Variants in MAN1C1 observed in about 807,000 individuals in gnomAD.
The protein encoded by MAN1C1 is mannosidase alpha class 1C member 1.
A neutral mutation model predicts 71.5 loss-of-function variants in MAN1C1; 49 were observed. That is an observed-to-expected ratio of 0.69 (90% CI 0.54 to 0.87). MAN1C1 has a LOEUF of 0.87. MAN1C1 is among the 40% of genes least tolerant of loss of function. MAN1C1 has a pLI of 0.00. For missense variants in MAN1C1, 743 were observed against 835.0 expected (o/e 0.89, Z 1.36); for synonymous variants, 352 against 343.7 (o/e 1.02, Z -0.27).
chr1:25,650,601 T>C (rs1557749027), intron 1 of MAN1C1, among the ~76,000 whole-genome samples: 1 of 152,200 alleles, frequency 6.6e-6, no homozygotes, highest in Non-Finnish European at 1.5e-5. Flanking sequence ...ACCAAATCTC[T>C]CCAGCAAGGG....
chr1:25,643,111 A>T (rs539457595), intron 1 of MAN1C1, among the ~76,000 whole-genome samples: 92 of 152,100 alleles, frequency 6.0e-4, no homozygotes, highest in South Asian at 1.7e-3. Flanking sequence ...CCATTCTCCC[A>T]GGTGGACGCC....
chr1:25,737,458 C>T (rs929990992), intron 2 of MAN1C1, among the ~76,000 whole-genome samples: 7 of 152,238 alleles, frequency 4.6e-5, no homozygotes, highest in Non-Finnish European at 1.0e-4. Flanking sequence ...TGTGTCTTCT[C>T]CGAGTCCCAG....
chr1:25,740,257 T>C (rs965508243), intron 2 of MAN1C1, among the ~76,000 whole-genome samples: 5 of 151,914 alleles, frequency 3.3e-5, no homozygotes, highest in Admixed American at 6.6e-5. Context: ...AAGTGGAGGC[T>C]GAAGGGACAG....
In MAN1C1 at chr1:25,618,110, AG is replaced by A. The variant is rs2045137910; in HGVS notation, c.315del (p.Leu109CysfsTer73). On this transcript the variant is annotated frameshift_variant, in exon 1 of 12. Coordinates refer to ENST00000374332, the MANE Select transcript of MAN1C1 (RefSeq NM_020379.4). LOFTEE classifies it high-confidence loss of function. ...CAGCAGCTGGGCCAGTCCCCGCCGC[AG>A]GAAAGGGGGGCTGCGGCGCACCCGC... is the stretch of plus-strand genomic sequence containing the variant. ...DPSSWASPRR[R>X]KGGLRRTRPT... The A allele has an allele frequency of 1.3e-6, 2 of 1,511,462 alleles. No individual in the cohort carries two copies. Among genetic ancestry groups the A allele is most frequent in the Non-Finnish European group, 8.8e-7 (1 of 1,138,294 alleles). 93.6% of individuals were successfully genotyped at this position (1,511,462 alleles called of 1,614,324 possible).
intron 3 of MAN1C1, among the ~76,000 whole-genome samples, chr1:25,748,764 GC>G (rs2047172343): frequency 6.6e-6 from 1 of 152,220 alleles, no homozygotes; most frequent in African/African-American, 2.4e-5. Flanking sequence ...TGAATACGTA[GC>G]TGCCTGGCTG....
At chr1:25,630,585 G>A (rs2045364175) in intron 1 of MAN1C1, among the ~76,000 whole-genome samples, 1 of 152,154 alleles carries the variant, frequency 6.6e-6, no homozygotes, top group Non-Finnish European at 1.5e-5. Flanking sequence ...TTCCAGCAGT[G>A]TCTTGTTGTT....
Position 25,722,683 on chromosome 1 carries a change from G to A in MAN1C1, c.638-23985G>A, listed in dbSNP as rs369282417. 3.1e-4 allele frequency among the ~76,000 whole-genome samples: 47 copies of A among 152,234 alleles called. 1 individual carries two copies. The highest frequency in any genetic ancestry group is 1.1e-3 in the African/African-American group (47 of 41,536). ...TTTCTTCTTCCTGCAGAGTCTCTGT[G>A]TCCTTCCAGTTACCTTTCCTGTTTG... On this transcript the variant is annotated intron_variant, in intron 2 of 11. Transcript: ENST00000374332.
In MAN1C1 at chr1:25,778,752, G is replaced by A. The variant is rs534158113; in HGVS notation, c.1477+428G>A. ...TCAAATGTGCCTCTGCCTTTCCCCCGGCACCCTCCTTAGAGGGGGTTTCAC... is the reference window on the plus strand; with the variant it reads ...TCAAATGTGCCTCTGCCTTTCCCCCAGCACCCTCCTTAGAGGGGGTTTCAC... On this transcript the variant is annotated intron_variant, in intron 9 of 11. Transcript: ENST00000374332. The surrounding 1 kb of genome is among the most constrained non-coding windows in gnomAD (Gnocchi z 5.5). Among the ~76,000 whole-genome samples the A allele has an allele frequency of 6.6e-4, 100 of 152,090 alleles. No individual in the cohort carries two copies. Among genetic ancestry groups the A allele is most frequent in the African/African-American group, 2.2e-3 (92 of 41,456 alleles).
In MAN1C1 at chr1:25,736,559, C is replaced by G. The variant is rs545086753; in HGVS notation, c.638-10109C>G. On this transcript the variant is annotated intron_variant, in intron 2 of 11. Coordinates refer to ENST00000374332, the MANE Select transcript of MAN1C1 (RefSeq NM_020379.4). The stretch of plus-strand genomic sequence containing the variant: ...TTTTTGTTTTTGCAGCAGGGTCTTG[C>G]TCTGTCGCCCAGGCTGGAGTGCAGT... Among the ~76,000 whole-genome samples the G allele has an allele frequency of 2.0e-5, 3 of 152,290 alleles. No individual in the cohort carries two copies. In the East Asian group the frequency reaches 5.8e-4, roughly 29 times the overall value.
chr1:25,771,517 G>T (rs2047550854), intron 7 of MAN1C1, 140 bp from the exon 8 acceptor site: 3 of 644,120 alleles, frequency 4.7e-6, no homozygotes, highest in South Asian at 3.7e-5. Flanking sequence ...CCCATTCCAG[G>T]TTCGGTGGCT....
At chr1:25,669,262 C>G (rs115838763) in intron 1 of MAN1C1, among the ~76,000 whole-genome samples, 3,619 of 152,254 alleles carry the variant, frequency 0.024, 151 homozygotes, top group African/African-American at 0.082. Flanking sequence ...TGTTAGAAAT[C>G]AGAGCAGCAG....
chr1:25,745,211 G>A (rs1191835733), intron 2 of MAN1C1, among the ~76,000 whole-genome samples: 1 of 152,222 alleles, frequency 6.6e-6, no homozygotes, highest in African/African-American at 2.4e-5. Flanking sequence ...TTTACTCCCA[G>A]GACAGGTGCC....
chr1:25,782,634 A>C lies in MAN1C1; in HGVS notation c.1700A>C (p.Asp567Ala). Residue 567 changes from aspartate to alanine, a missense_variant, in exon 11 of 12, where the codon GAC becomes GCC. Physicochemically the swap from Asp to Ala is moderately radical, Grantham distance 126. Transcript: ENST00000374332. This position sits in a 1 kb window ranked among gnomAD's most constrained non-coding sequence, Gnocchi z 4.4. The stretch of plus-strand genomic sequence containing the variant: ...GAAGCCGGTTTCTCTGGGATCCAAG[A>C]CGTGTACAGTAGCACCCCCAACCAC... ...RTEAGFSGIQ[D>A]VYSSTPNHDN... is the part of the protein sequence containing the mutation. 1.2e-6 allele frequency: 2 copies of C among 1,614,034 alleles called. No individual in the cohort carries two copies. Among genetic ancestry groups the C allele is most frequent in the Non-Finnish European group, 1.7e-6 (2 of 1,179,998 alleles).
chr1:25,757,858 A>T (rs986128573), intron 5 of MAN1C1, among the ~76,000 whole-genome samples: 1 of 152,228 alleles, frequency 6.6e-6, no homozygotes, highest in African/African-American at 2.4e-5. Flanking sequence ...CAGCTCTTCA[A>T]ATTACTGTGT....
At chr1:25,677,541 T>C (rs925807252) in intron 1 of MAN1C1, among the ~76,000 whole-genome samples, 1 of 152,150 alleles carries the variant, frequency 6.6e-6, no homozygotes, top group African/African-American at 2.4e-5. Flanking sequence ...GACTGTCATG[T>C]TCTTGCACCT....
intron 5 of MAN1C1, among the ~76,000 whole-genome samples, chr1:25,755,000 G>A (rs536456817): frequency 6.6e-6 from 1 of 152,322 alleles, no homozygotes; most frequent in South Asian, 2.1e-4. Flanking sequence ...GTGGCACTGA[G>A]TTTGCTCTTC....
chr1:25,642,976 T>C (rs2045557126), intron 1 of MAN1C1, among the ~76,000 whole-genome samples: 1 of 152,188 alleles, frequency 6.6e-6, no homozygotes, highest in African/African-American at 2.4e-5. Context: ...GCTATGGTGA[T>C]AGATTGATTG....
At position 25,758,627 on chromosome 1, in the gene MAN1C1, G is replaced by A. The variant is rs1424129858; in HGVS notation, c.965G>A (p.Ser322Asn). The A allele has an allele frequency of 1.9e-6, 3 of 1,614,114 alleles. No homozygotes were observed. Among genetic ancestry groups the A allele is most frequent in the Admixed American group, 1.7e-5 (1 of 60,010 alleles). ...NWGWATAGSS[S>N]ILAEFGSLHL... ...GGCTGGGCCACAGCCGGCAGCAGCAGCATCTTGGCGGAGTTTGGATCCCTG... is the reference window on the plus strand; with the variant it reads ...GGCTGGGCCACAGCCGGCAGCAGCAACATCTTGGCGGAGTTTGGATCCCTG... Residue 322 changes from serine (S) to asparagine (N), a missense_variant, in exon 6 of 12, where the codon AGC becomes AAC. Coordinates refer to ENST00000374332, the MANE Select transcript of MAN1C1 (RefSeq NM_020379.4).
chr1:25,699,582 G>A (rs567665809), intron 2 of MAN1C1, among the ~76,000 whole-genome samples: 15 of 152,250 alleles, frequency 9.9e-5, no homozygotes, highest in South Asian at 2.1e-4. Context: ...CTTTTCAGCC[G>A]TCAGTCGACT....
Sources: allele counts gnomAD v4.1 joint callset (sites outside exome capture counted in the v4.1 genomes callset), GRCh38; gene constraint gnomAD v4.1.1; non-coding constraint Gnocchi (gnomAD v3.1); transcripts MANE v1.5; gene names NCBI Gene and HGNC (gene_info 2026-07-23, HGNC 2026-07-21).